FAM135A: variants seen among roughly 807,000 people sequenced by gnomAD.
FAM135A encodes the protein family with sequence similarity 135 member A.
FAM135A carries 79 observed loss-of-function variants against 146.8 expected under a neutral mutation model. The observed-to-expected ratio is 0.54, with a 90% confidence interval of 0.45 to 0.65. FAM135A has a LOEUF of 0.65. Among genes scored for constraint, FAM135A ranks in the 30% least tolerant of loss-of-function variants. The probability of loss-of-function intolerance (pLI) is 0.00; values close to 1 mark genes in which losing one functional copy is unlikely to be tolerated. For missense variants in FAM135A, 1,623 were observed against 1,758.2 expected (o/e 0.92, Z 1.38); for synonymous variants, 562 against 603.6 (o/e 0.93, Z 1.01).
At chr6:70,504,071 G>C (rs573644559) in intron 12 of FAM135A, 16 of 152,298 alleles carry the variant, frequency 1.1e-4, no homozygotes, top group African/African-American at 3.4e-4. Context: ...ACAGTTTTCA[G>C]AGTTGTACCA....
chr6:70,439,587 A>G (rs1300955714), intron 4 of FAM135A, among the ~76,000 whole-genome samples: 1 of 152,090 alleles, frequency 6.6e-6, no homozygotes, highest in Non-Finnish European at 1.5e-5. Context: ...CATTTAATCC[A>G]TTTATATTTA....
chr6:70,546,965 A>C (rs1798968632), intron 20 of FAM135A, among the ~76,000 whole-genome samples: 1 of 152,210 alleles, frequency 6.6e-6, no homozygotes, highest in Non-Finnish European at 1.5e-5. Flanking sequence ...AGTCAAGATT[A>C]TATTACTAAA....
rs142154928 is a variant in FAM135A, at chr6:70,486,215, A to C, written c.823+4061A>C. ...TATGAGCGTCTTCTCAGAAGAAAAC[A>C]GCTACGAACACAGAAAGACAACCAT... On this transcript the variant is annotated intron_variant, in intron 10 of 21. Coordinates refer to ENST00000418814, the MANE Select transcript of FAM135A (RefSeq NM_001162529.3). The C allele has an allele frequency of 1.8e-4, 291 of 1,613,916 alleles. 2 individuals carry two copies. The African/African-American group carries it at 3.4e-3, about 19-fold the overall frequency.
chr6:70,429,499 C>T (rs1012583200), intron 4 of FAM135A, among the ~76,000 whole-genome samples: 17 of 150,938 alleles, frequency 1.1e-4, no homozygotes, highest in African/African-American at 4.1e-4. Context: ...GGCAACAGAG[C>T]AAGACTCCAT....
rs1462625610 is a variant in FAM135A at position 70,430,134 on chromosome 6, C to T, written c.77+1715C>T. ...GGCAGATCACCAGAGTTCAGGAGTT[C>T]GAGACCAGCCTGGCCAACATGGTGA... On this transcript the variant is annotated intron_variant, in intron 4 of 21. Coordinates refer to ENST00000418814, the MANE Select transcript of FAM135A (RefSeq NM_001162529.3). Among the ~76,000 whole-genome samples, 11 of 151,972 alleles carry T rather than the reference C, an allele frequency of 7.2e-5. No individual in the cohort carries two copies. In the South Asian group the frequency reaches 8.3e-4, roughly 11 times the overall value.
At chr6:70,431,871 A>G (rs115280652) in intron 4 of FAM135A, among the ~76,000 whole-genome samples, 191 of 152,250 alleles carry the variant, frequency 1.3e-3, no homozygotes, top group African/African-American at 4.3e-3. Context: ...TAGTTTTCAA[A>G]TATATGTAGT....
At position 70,437,359 on chromosome 6, in the gene FAM135A, G is replaced by T. The variant is rs1047726859; in HGVS notation, c.77+8940G>T. 2.0e-5 allele frequency among the ~76,000 whole-genome samples: 3 copies of T among 151,964 alleles called. No homozygotes were observed. The South Asian group carries it at 6.2e-4, about 32-fold the overall frequency. On this transcript the variant is annotated intron_variant, in intron 4 of 21. Transcript: ENST00000418814. ...TGGGGAAACAACAAGTGGGCTTGTT[G>T]TTTTCTTGGCAAAATTAAAGAATGG...
intron 2 of FAM135A, among the ~76,000 whole-genome samples, chr6:70,424,473 C>A (rs1219797825): frequency 6.6e-6 from 1 of 152,224 alleles, no homozygotes; most frequent in Non-Finnish European, 1.5e-5. Flanking sequence ...TTGATGGCCT[C>A]ATTTTAATGA....
chr6:70,493,514 C>T (rs1199040337), intron 11 of FAM135A, among the ~76,000 whole-genome samples: 3 of 152,102 alleles, frequency 2.0e-5, no homozygotes, highest in Non-Finnish European at 4.4e-5. Context: ...CAACCTATAA[C>T]ATATTATAAT....
At chr6:70,530,197 A>G (rs1307180467) in intron 16 of FAM135A, among the ~76,000 whole-genome samples, 1 of 152,232 alleles carries the variant, frequency 6.6e-6, no homozygotes, top group Non-Finnish European at 1.5e-5. Flanking sequence ...AGTATAAGGA[A>G]TTTCAGTAAT....
chr6:70,541,554 G>A (rs184295522), intron 20 of FAM135A, among the ~76,000 whole-genome samples: 1 of 151,924 alleles, frequency 6.6e-6, no homozygotes, highest in East Asian at 1.9e-4. Flanking sequence ...CTTTATGAAA[G>A]CTGTTCTTGT....
At chr6:70,555,239 G>A (rs1335381828) in intron 20 of FAM135A, among the ~76,000 whole-genome samples, 1 of 152,098 alleles carries the variant, frequency 6.6e-6, no homozygotes, top group Non-Finnish European at 1.5e-5. Context: ...ACATCTGGAG[G>A]TTGGGATCTG....
rs1246673877 is a variant in FAM135A at position 70,502,773 on chromosome 6, A to G, written c.1011A>G (p.Gln337=). 3.7e-6 allele frequency: 6 copies of G among 1,611,526 alleles called. No homozygotes were observed. Among genetic ancestry groups the G allele is most frequent in the Non-Finnish European group, 4.2e-6 (5 of 1,178,774 alleles). Residue 337 remains glutamine (Q), a synonymous_variant, in exon 12 of 22, where the codon CAA becomes CAG. Transcript: ENST00000418814. ...AAGAACTAAGAATATTATTAGCACA[A>G]GAGCACCATACTTTGAGGGTAAGTT... is the stretch of plus-strand genomic sequence containing the variant. ...LHEELRILLA[Q]EHHTLRVRRF...
At chr6:70,441,919 G>A (rs891389471) in intron 4 of FAM135A, among the ~76,000 whole-genome samples, 1 of 151,914 alleles carries the variant, frequency 6.6e-6, no homozygotes, top group Non-Finnish European at 1.5e-5. Flanking sequence ...TCCTGACCTC[G>A]TGATCCACCT....
intron 5 of FAM135A, among the ~76,000 whole-genome samples, chr6:70,454,319 A>G (rs1346817306): frequency 6.6e-6 from 1 of 152,146 alleles, no homozygotes; most frequent in Non-Finnish European, 1.5e-5. Context: ...CCTTTGTCAG[A>G]TGGGTAGATT....
chr6:70,458,355 A>G (rs1778780540), intron 5 of FAM135A, among the ~76,000 whole-genome samples: 1 of 152,170 alleles, frequency 6.6e-6, no homozygotes, highest in Admixed American at 6.5e-5. Context: ...AAGATCTTTC[A>G]TATTTCAAAT....
At chr6:70,519,956 G>A (rs7769582) in intron 12 of FAM135A, among the ~76,000 whole-genome samples, 43,598 of 151,830 alleles carry the variant, frequency 0.29, 8,454 homozygotes, top group African/African-American at 0.55. Context: ...AATGTGCTCA[G>A]CTTTTAATGC....
At chr6:70,456,926 G>T (rs150844348) in intron 5 of FAM135A, among the ~76,000 whole-genome samples, 2 of 152,232 alleles carry the variant, frequency 1.3e-5, no homozygotes, top group African/African-American at 4.8e-5. Context: ...CCCTTTTCAG[G>T]CGTGGTAGTG....
intron 10 of FAM135A, among the ~76,000 whole-genome samples, chr6:70,486,988 C>T (rs1316377934): frequency 2.8e-5 from 4 of 141,870 alleles, no homozygotes; most frequent in Non-Finnish European, 6.0e-5. Flanking sequence ...GAGGCTGAGG[C>T]AGGAGAATTG....
Sources: allele counts gnomAD v4.1 joint callset (sites outside exome capture counted in the v4.1 genomes callset), GRCh38; gene constraint gnomAD v4.1.1; transcripts MANE v1.5; gene names NCBI Gene and HGNC (gene_info 2026-07-23, HGNC 2026-07-21).